The following ITGB4 variants were observed in gnomAD, a reference collection of about 807,000 sequenced individuals.
The protein encoded by ITGB4 is integrin subunit beta 4.
Under a neutral mutation model 207.6 loss-of-function variants are expected in ITGB4, and 159 were observed. That is an observed-to-expected ratio of 0.77 (90% CI 0.67 to 0.87). ITGB4 has a LOEUF of 0.87. Among genes scored for constraint, ITGB4 ranks in the 40% least tolerant of loss-of-function variants. The probability of loss-of-function intolerance (pLI) is 0.00; values close to 1 mark genes in which losing one functional copy is unlikely to be tolerated. For missense variants in ITGB4, 2,278 were observed against 2,546.8 expected, an observed-to-expected ratio of 0.89 and a Z score of 2.27; for synonymous variants, 1,020 against 1,062.7, an observed-to-expected ratio of 0.96 and a Z score of 0.78.
In ITGB4 at chr17:75,731,184, G is replaced by A; in HGVS notation, c.1093-62G>A. On this transcript the variant is annotated intron_variant, in intron 9 of 39. Transcript: ENST00000200181. The surrounding 1 kb of genome is among the most constrained non-coding windows in gnomAD (Gnocchi z 6.8). The stretch of plus-strand genomic sequence containing the variant: ...CCCCGCATGATGCCAGCCACACTTG[G>A]AGGTTGGGGTGGAGCACAGAGGCCC... 6.2e-7 allele frequency: 1 copy of A among 1,612,298 alleles called. No homozygotes were observed. The highest frequency in any genetic ancestry group is 8.5e-7 in the Non-Finnish European group (1 of 1,179,646).
rs1046035990 is a variant in ITGB4, at chr17:75,731,458, C to A, written c.1215+90C>A. On this transcript the variant is annotated intron_variant, in intron 10 of 39. Coordinates refer to ENST00000200181, the MANE Select transcript of ITGB4 (RefSeq NM_000213.5). The surrounding 1 kb of genome is among the most constrained non-coding windows in gnomAD (Gnocchi z 6.8). ...TTAAAACAGCGGTCAAGAGCGTGGC[C>A]CCTGGAGTCAGGCAGGCCTGGGTGC... 1.6e-5 allele frequency: 22 copies of A among 1,365,882 alleles called. No individual in the cohort carries two copies. In the East Asian group the frequency reaches 4.8e-4, roughly 30 times the overall value. 84.6% of individuals were successfully genotyped at this position (1,365,882 alleles called of 1,614,324 possible).
rs1313275848 is a variant in ITGB4 at position 75,756,927 on chromosome 17, C to T, written c.5054-16C>T. ...AAGAGGGGGCCGCAGACGCTGAAGG[C>T]ATCTTCCCTGCTCAGGGCCAGCCAC... On this transcript the variant is annotated splice_polypyrimidine_tract_variant and intron_variant, in intron 37 of 39. Coordinates refer to ENST00000200181, the MANE Select transcript of ITGB4 (RefSeq NM_000213.5). 1.9e-6 allele frequency: 3 copies of T among 1,612,202 alleles called. No individual in the cohort carries two copies. The highest frequency in any genetic ancestry group is 1.3e-5 in the African/African-American group (1 of 74,884).
chr17:75,729,526 C>G lies in ITGB4; in HGVS notation c.738+90C>G. The G allele has an allele frequency of 7.3e-7, 1 of 1,369,714 alleles. No individual in the cohort carries two copies. The highest frequency in any genetic ancestry group is 2.2e-5 in the Admixed American group (1 of 44,650). The allele number at this position is 1,369,714 out of a possible 1,614,324, so 84.8% of individuals were successfully genotyped here. A position where few individuals can be genotyped will look rare whatever the true frequency, so the allele number is the denominator to read the frequency against. On this transcript the variant is annotated intron_variant, in intron 7 of 39. Coordinates refer to ENST00000200181, the MANE Select transcript of ITGB4 (RefSeq NM_000213.5). This position sits in a 1 kb window ranked among gnomAD's most constrained non-coding sequence, Gnocchi z 4.4. ...GCTGCCCCCTGGCCTGCTCTGGTGC[C>G]AGGCTCACAGGCCCTGAGGGAAAGC... is the stretch of plus-strand genomic sequence containing the variant.
intron 33 of ITGB4, among the ~76,000 whole-genome samples, chr17:75,754,290 G>C (rs1172511242): frequency 6.6e-6 from 1 of 152,148 alleles, no homozygotes; most frequent in Admixed American, 6.5e-5. Flanking sequence ...ATCTCCCCAG[G>C]GCAGAGCTGA....
At position 75,722,386 on chromosome 17, in the gene ITGB4, G is replaced by A. The variant is rs1197867884; in HGVS notation, c.-11+774G>A. ...GACAGGGCTTCTCCTCTGCCCCCAT[G>A]GCCTTGCCACACCCTGAGGACAAGG... On this transcript the variant is annotated intron_variant, in intron 1 of 39. Coordinates refer to ENST00000200181, the MANE Select transcript of ITGB4 (RefSeq NM_000213.5). This position sits in a 1 kb window ranked among gnomAD's most constrained non-coding sequence, Gnocchi z 6.2. Among the ~76,000 whole-genome samples, 1 of 152,184 alleles carries A rather than the reference G, an allele frequency of 6.6e-6. No individual in the cohort carries two copies. Among genetic ancestry groups the A allele is most frequent in the Non-Finnish European group, 1.5e-5 (1 of 68,030 alleles).
At chr17:75,744,347 C>A (rs191732935) in intron 26 of ITGB4, among the ~76,000 whole-genome samples, 27 of 151,796 alleles carry the variant, frequency 1.8e-4, no homozygotes, top group African/African-American at 5.6e-4. Context: ...CTGGAACTCC[C>A]GACCTCAGGT....
At chr17:75,738,750 C>T (rs146408060) in intron 18 of ITGB4, among the ~76,000 whole-genome samples, 1 of 152,338 alleles carries the variant, frequency 6.6e-6, no homozygotes, top group African/African-American at 2.4e-5. Context: ...GGCGGCAGAC[C>T]ACACTCCGTA....
At chr17:75,721,812 T>C (rs948379282) in intron 1 of ITGB4, among the ~76,000 whole-genome samples, 200 bp downstream of exon 1, 2 of 152,122 alleles carry the variant, frequency 1.3e-5, no homozygotes, top group Non-Finnish European at 2.9e-5. Flanking sequence ...AGAAGGGTGG[T>C]GCCCATCAGA....
chr17:75,725,590 A>G (rs1164175599), intron 2 of ITGB4, among the ~76,000 whole-genome samples: 1 of 152,210 alleles, frequency 6.6e-6, no homozygotes, highest in Non-Finnish European at 1.5e-5. Context: ...CTGGGATTAC[A>G]GGTGTGAGCC....
chr17:75,730,585 C>T (rs1190862745), intron 8 of ITGB4, 81 bp downstream of exon 8: 25 of 1,133,618 alleles, frequency 2.2e-5, no homozygotes, highest in African/African-American at 3.3e-5. Flanking sequence ...TCCCTCCCTC[C>T]CTCCCTCCCT....
Position 75,743,750 on chromosome 17 carries a change from G to C in ITGB4, c.3000G>C (p.Ser1000=), listed in dbSNP as rs142172735. ...TGTCCTTTGAGCAGCCTGAGTTCTC[G>C]GTCAGCCGCGGGGACCAGGTGGCCC... is the stretch of plus-strand genomic sequence containing the variant. ...DVVSFEQPEF[S]VSRGDQVARI... is the part of the protein sequence containing the mutation. Residue 1000 remains serine, a synonymous_variant, in exon 26 of 40, where the codon TCG becomes TCC. Coordinates refer to ENST00000200181, the MANE Select transcript of ITGB4 (RefSeq NM_000213.5). 7.4e-6 allele frequency: 12 copies of C among 1,613,410 alleles called. No individual in the cohort carries two copies. The highest frequency in any genetic ancestry group is 6.7e-5 in the African/African-American group (5 of 74,914).
In ITGB4 at chr17:75,732,127, C is replaced by G. The variant is rs765880434; in HGVS notation, c.1378-36C>G. The G allele has an allele frequency of 1.5e-5, 24 of 1,612,706 alleles. No homozygotes were observed. The highest frequency in any genetic ancestry group is 2.2e-5 in the South Asian group (2 of 91,050). ...GTGTCCAGTGGCCCCGGTCCTGCTC[C>G]CCCGACGCACCCCACCATGGTCTCT... On this transcript the variant is annotated intron_variant, in intron 11 of 39. Transcript: ENST00000200181. The surrounding 1 kb of genome is among the most constrained non-coding windows in gnomAD (Gnocchi z 5.3).
chr17:75,729,574 C>T lies in ITGB4; in HGVS notation c.738+138C>T. ...AGCCTGGGAGCCTGCAACCCCTTCA[C>T]CCTGAGACAAGCTCAGACTCTGTGA... On this transcript the variant is annotated intron_variant, in intron 7 of 39. Coordinates refer to ENST00000200181, the MANE Select transcript of ITGB4 (RefSeq NM_000213.5). The surrounding 1 kb of genome is among the most constrained non-coding windows in gnomAD (Gnocchi z 4.4). 2 of 858,024 alleles carry T rather than the reference C, an allele frequency of 2.3e-6. No individual in the cohort carries two copies. The highest frequency in any genetic ancestry group is 1.8e-5 in the South Asian group (1 of 54,980). 53.2% of individuals were successfully genotyped at this position (858,024 alleles called of 1,614,324 possible).
In ITGB4 at chr17:75,753,864, G is replaced by T; in HGVS notation, c.4208G>T (p.Ser1403Ile). ...PPELIPRLSA[S>I]SGRSSDAEAP... ...GAGCTCATCCCGCGCCTGTCGGCCA[G>T]CAGCGGGCGCTCCTCCGACGCCGAG... The change falls in exon 33 of 40, where the codon AGC becomes ATC. Residue 1403 changes from serine (S) to isoleucine (I), a missense_variant. By Grantham distance (142) the Ser-to-Ile change is moderately radical (BLOSUM62 -2). Coordinates refer to ENST00000200181, the MANE Select transcript of ITGB4 (RefSeq NM_000213.5). 7.3e-7 allele frequency: 1 copy of T among 1,365,378 alleles called. No homozygotes were observed. Among genetic ancestry groups the T allele is most frequent in the South Asian group, 1.9e-5 (1 of 53,632 alleles). The allele number at this position is 1,365,378 out of a possible 1,614,324, so 84.6% of individuals were successfully genotyped here.
rs747358865 is a variant in ITGB4 at position 75,737,600 on chromosome 17, G to A, written c.2176G>A (p.Ala726Thr). The change falls in exon 18 of 40, where the codon GCC becomes ACC. Residue 726 changes from alanine to threonine, a missense_variant. Transcript: ENST00000200181. ...GCTCCTCCTCCTCCTGCCGCTCCTG[G>A]CCCTGCTACTGCTGCTATGCTGGAA... The part of the protein sequence containing the change: ...PLLLLLLPLL[A>T]LLLLLCWKYC... The A allele has an allele frequency of 1.2e-5, 20 of 1,612,576 alleles. No individual in the cohort carries two copies. The highest frequency in any genetic ancestry group is 1.6e-5 in the Non-Finnish European group (19 of 1,179,442).
rs1159222833 is a variant in ITGB4, at chr17:75,757,021, C to T, written c.5132C>T (p.Pro1711Leu). The T allele has an allele frequency of 3.1e-6, 5 of 1,612,602 alleles. No homozygotes were observed. Among genetic ancestry groups the T allele is most frequent in the South Asian group, 2.2e-5 (2 of 91,068 alleles). Reference sequence around the variant, plus strand: ...GTGCCGGGCCTCAGCGAGAACGTGCCCTACAAGTTCAAGGTGCAGGCCAGG... The same window carrying T: ...GTGCCGGGCCTCAGCGAGAACGTGCTCTACAAGTTCAAGGTGCAGGCCAGG... Reference protein sequence around the residue: ...LTVPGLSENVPYKFKVQARTT... With the variant: ...LTVPGLSENVLYKFKVQARTT... The change falls in exon 38 of 40, where the codon CCC becomes CTC. Residue 1711 changes from proline to leucine, a missense_variant. By Grantham distance (98) the Pro-to-Leu change is moderately conservative. Coordinates refer to ENST00000200181, the MANE Select transcript of ITGB4 (RefSeq NM_000213.5).
At chr17:75,754,854 C>A in intron 34 of ITGB4, 39 bp downstream of exon 34, 1 of 1,613,498 alleles carries the variant, frequency 6.2e-7, no homozygotes, top group Non-Finnish European at 8.5e-7. Flanking sequence ...CCCACTAACC[C>A]TTCCTCTCTT....
chr17:75,735,313 C>T (rs1445086649), intron 13 of ITGB4, among the ~76,000 whole-genome samples: 1 of 152,088 alleles, frequency 6.6e-6, no homozygotes, highest in African/African-American at 2.4e-5. Flanking sequence ...GTCTTGAACT[C>T]CTGAGCTCAA....
At position 75,742,772 on chromosome 17, in the gene ITGB4, G is replaced by A. The variant is rs554755694; in HGVS notation, c.2962+11G>A. 84 of 1,601,912 alleles carry A rather than the reference G, an allele frequency of 5.2e-5. 1 individual carries two copies. In the East Asian group the frequency reaches 1.9e-3, roughly 36 times the overall value. The stretch of plus-strand genomic sequence containing the variant: ...TCATCAAGGAGCAAGGTGGGTCTGG[G>A]TGGGGAGAGTGGGGAAGGCAGACGG... On this transcript the variant is annotated intron_variant, in intron 25 of 39. Transcript: ENST00000200181. This position sits in a 1 kb window ranked among gnomAD's most constrained non-coding sequence, Gnocchi z 5.9.
Sources: allele counts gnomAD v4.1 joint callset (sites outside exome capture counted in the v4.1 genomes callset), GRCh38; gene constraint gnomAD v4.1.1; non-coding constraint Gnocchi (gnomAD v3.1); transcripts MANE v1.5; gene names NCBI Gene and HGNC (gene_info 2026-07-23, HGNC 2026-07-21).